Variants in CYP2C18 observed in about 807,000 individuals in gnomAD.
The protein encoded by CYP2C18 is cytochrome P450 2C18.
Under a neutral mutation model 41.3 loss-of-function variants are expected in CYP2C18, and 38 were observed. The ratio of observed to expected loss-of-function variants is 0.92; its 90% CI spans 0.71 to 1.21. The LOEUF (loss-of-function observed/expected upper bound fraction) is 1.21, where lower values mean the gene tolerates loss of function less well. Ranked by LOEUF, CYP2C18 falls within the 50% of genes most tolerant of loss-of-function variation. The pLI, the probability that CYP2C18 is intolerant of heterozygous loss-of-function variation, is 0.00. For missense variants in CYP2C18, 635 were observed against 591.4 expected (o/e 1.07, Z -0.77); for synonymous variants, 236 against 210.0 (o/e 1.12, Z -1.07).
At chr10:94,724,321 T>A in intron 6 of CYP2C18, 25 bp from the exon 7 acceptor site, 1 of 1,612,060 alleles carries the variant, frequency 6.2e-7, no homozygotes, top group Non-Finnish European at 8.5e-7. Context: ...TCCTTTTCCA[T>A]CATTTCTTAC....
chr10:94,722,082 T>G (rs1415500561), intron 6 of CYP2C18, among the ~76,000 whole-genome samples: 1 of 152,154 alleles, frequency 6.6e-6, no homozygotes, highest in Non-Finnish European at 1.5e-5. Flanking sequence ...GAAATACTAT[T>G]TATTGAAGTG....
chr10:94,691,190 A>C (rs1490927066), intron 3 of CYP2C18, among the ~76,000 whole-genome samples: 1 of 152,210 alleles, frequency 6.6e-6, no homozygotes, highest in Non-Finnish European at 1.5e-5. Context: ...AGGCAGGAGA[A>C]GGAAATAAAG....
intron 4 of CYP2C18, among the ~76,000 whole-genome samples, chr10:94,699,173 C>T (rs1847182644): frequency 1.3e-5 from 2 of 151,934 alleles, no homozygotes; most frequent in Admixed American, 6.6e-5. Context: ...AGAGACACAA[C>T]AAAAAAAGAG....
At position 94,734,960 on chromosome 10, in the gene CYP2C18, A is replaced by G. The variant is rs116414408; in HGVS notation, c.1292-303A>G. 1.3e-3 allele frequency among the ~76,000 whole-genome samples: 201 copies of G among 152,314 alleles called. 1 individual carries two copies. Among genetic ancestry groups the G allele is most frequent in the African/African-American group, 4.5e-3 (189 of 41,584 alleles). ...CCTGTGAATGCATTTCTAGAAAAAG[A>G]CTGATGGAAACTTGTAGTGTCAAAA... On this transcript the variant is annotated intron_variant, in intron 8 of 8. Transcript: ENST00000285979.
intron 1 of CYP2C18, among the ~76,000 whole-genome samples, 174 bp downstream of exon 1, chr10:94,684,161 T>C (rs908133692): frequency 6.6e-6 from 1 of 152,220 alleles, no homozygotes; most frequent in Non-Finnish European, 1.5e-5. Flanking sequence ...GTAATTAGCA[T>C]ATCCATCATC....
At chr10:94,687,343 A>G (rs554292592) in intron 1 of CYP2C18, among the ~76,000 whole-genome samples, 17 of 152,358 alleles carry the variant, frequency 1.1e-4, no homozygotes, top group Admixed American at 2.0e-4. Flanking sequence ...ATCCTGAAGC[A>G]GTGTCCCAGC....
intron 3 of CYP2C18, among the ~76,000 whole-genome samples, chr10:94,693,758 A>T (rs1847059611): frequency 6.6e-6 from 1 of 152,174 alleles, no homozygotes; most frequent in Admixed American, 6.6e-5. Flanking sequence ...TTAATTCCCC[A>T]TCATTACCGC....
intron 5 of CYP2C18, among the ~76,000 whole-genome samples, chr10:94,715,287 G>A (rs764713700): frequency 1.4e-4 from 22 of 152,150 alleles, no homozygotes; most frequent in Non-Finnish European, 2.5e-4. Context: ...TCCAGTTTGT[G>A]CCCATTCAGT....
chr10:94,691,239 G>A (rs1017281666), intron 3 of CYP2C18, among the ~76,000 whole-genome samples: 1 of 152,182 alleles, frequency 6.6e-6, no homozygotes, highest in Non-Finnish European at 1.5e-5. Flanking sequence ...AATTTTCGCT[G>A]TTTGCAGATA....
intron 4 of CYP2C18, among the ~76,000 whole-genome samples, chr10:94,695,558 A>G (rs1386931260): frequency 6.6e-6 from 1 of 152,148 alleles, no homozygotes; most frequent in African/African-American, 2.4e-5. Context: ...TGCTGGGTTG[A>G]GGCAGAAGAC....
rs564460563 is a variant in CYP2C18 at position 94,683,786 on chromosome 10, C to G, written c.-34C>G. 1.8e-5 allele frequency: 27 copies of G among 1,527,634 alleles called. No homozygotes were observed. In the South Asian group the frequency reaches 3.4e-4, roughly 20 times the overall value. 94.6% of individuals were successfully genotyped at this position (1,527,634 alleles called of 1,614,324 possible). ...TGTTATAAAAGCCTTGAAGTGAAAG[C>G]CCGCAGTTGTCTTACTAAGAAGAGA... On this transcript the variant is annotated 5_prime_UTR_variant, in exon 1 of 9. Transcript: ENST00000285979.
chr10:94,702,826 AT>A (rs1388991491), intron 4 of CYP2C18, among the ~76,000 whole-genome samples: 1 of 151,886 alleles, frequency 6.6e-6, no homozygotes, highest in Non-Finnish European at 1.5e-5. Context: ...GGTTTTTGGA[AT>A]TTTTAGTCTT....
chr10:94,691,928 A>G (rs892199400), intron 3 of CYP2C18, among the ~76,000 whole-genome samples: 1 of 152,220 alleles, frequency 6.6e-6, no homozygotes, highest in Non-Finnish European at 1.5e-5. Context: ...TGGGGAAAGG[A>G]TTCCCTATTT....
At chr10:94,688,042 AC>A in intron 2 of CYP2C18, 82 bp from the exon 3 acceptor site, 1 of 1,599,766 alleles carries the variant, frequency 6.3e-7, no homozygotes, top group African/African-American at 1.3e-5. Context: ...ACAGAACTTG[AC>A]CTGTCCACGT....
rs138143855 is a variant in CYP2C18 at position 94,729,231 on chromosome 10, A to G, written c.1150-4066A>G. Among the ~76,000 whole-genome samples the G allele has an allele frequency of 3.1e-3, 472 of 152,282 alleles. 3 individuals carry two copies. The highest frequency in any genetic ancestry group is 0.011 in the African/African-American group (448 of 41,586). On this transcript the variant is annotated intron_variant, in intron 7 of 8. Transcript: ENST00000285979. ...AGAAAATATAGGCAATGGCTGCTCAATAAGAATTTTAAGTTCCGAATACCA... is the reference window on the plus strand; with the variant it reads ...AGAAAATATAGGCAATGGCTGCTCAGTAAGAATTTTAAGTTCCGAATACCA...
Position 94,720,429 on chromosome 10 carries a change from G to C in CYP2C18, c.853G>C (p.Glu285Gln), listed in dbSNP as rs761421711. Residue 285 changes from glutamate to glutamine, a missense_variant, in exon 6 of 9, where the codon GAA becomes CAA. Transcript: ENST00000285979. ...KHNQQSEFTV[E>Q]SLIATVTDMF... ...CAATCAACAGTCTGAATTTACTGTTGAAAGCTTGATAGCCACTGTAACTGA... is the reference window on the plus strand; with the variant it reads ...CAATCAACAGTCTGAATTTACTGTTCAAAGCTTGATAGCCACTGTAACTGA... 9.9e-6 allele frequency: 16 copies of C among 1,612,576 alleles called. No homozygotes were observed. The highest frequency in any genetic ancestry group is 2.2e-5 in the East Asian group (1 of 44,774).
rs35672164 is a variant in CYP2C18, at chr10:94,712,008, A to ATTTTTT, written c.819+5063_819+5068dup. Among the ~76,000 whole-genome samples, 158 of 97,860 alleles carry ATTTTTT rather than the reference A, an allele frequency of 1.6e-3. 8 individuals are homozygous for ATTTTTT. Among genetic ancestry groups the ATTTTTT allele is most frequent in the African/African-American group, 5.6e-3 (131 of 23,348 alleles). The allele number at this position is 97,860 out of a possible 152,430, so 64.2% of individuals were successfully genotyped here. A position where few individuals can be genotyped will look rare whatever the true frequency, so the allele number is the denominator to read the frequency against. On this transcript the variant is annotated intron_variant, in intron 5 of 8. Transcript: ENST00000285979. Reference sequence around the variant, plus strand: ...AGGTGCATGCCACCATGCCCAACTAATTTTTTTTTTTTTTTTTTTTGTAGA... The same window carrying ATTTTTT: ...AGGTGCATGCCACCATGCCCAACTAATTTTTTTTTTTTTTTTTTTTTTTTTTGTAGA...
At chr10:94,723,842 C>T (rs1338861892) in intron 6 of CYP2C18, among the ~76,000 whole-genome samples, 2 of 152,020 alleles carry the variant, frequency 1.3e-5, no homozygotes, top group Non-Finnish European at 2.9e-5. Context: ...TCAGAAGAAA[C>T]TTCTAGAATG....
intron 6 of CYP2C18, among the ~76,000 whole-genome samples, chr10:94,721,283 T>C (rs1481019402): frequency 6.6e-6 from 1 of 152,128 alleles, no homozygotes; most frequent in Non-Finnish European, 1.5e-5. Context: ...CCAAAGTTCT[T>C]GGATTACAGG....
Sources: allele counts gnomAD v4.1 joint callset (sites outside exome capture counted in the v4.1 genomes callset), GRCh38; gene constraint gnomAD v4.1.1; transcripts MANE v1.5; gene names NCBI Gene and HGNC (gene_info 2026-07-23, HGNC 2026-07-21).